Variants in PDE4B observed in about 807,000 individuals in gnomAD.
PDE4B encodes 3',5'-cyclic-AMP phosphodiesterase 4B.
A neutral mutation model predicts 82.2 loss-of-function variants in PDE4B; 20 were observed. The observed-to-expected ratio is 0.24, with a 90% CI of 0.17 to 0.35. PDE4B has a LOEUF of 0.35. Among genes scored for constraint, PDE4B ranks in the 10% least tolerant of loss-of-function variants. The pLI is 1.00. For synonymous variants in PDE4B, 320 were observed against 318.9 expected (o/e 1.00, Z -0.04); for missense variants, 655 against 907.2 (o/e 0.72, Z 3.57).
chr1:66,114,662 G>T (rs368641470), intron 3 of PDE4B, among the ~76,000 whole-genome samples: 4 of 141,116 alleles, frequency 2.8e-5, no homozygotes, highest in African/African-American at 8.1e-5. Flanking sequence ...TTGAGACGGA[G>T]TCTGGCTGTG....
chr1:65,879,352 G>C (rs916818031), intron 1 of PDE4B, among the ~76,000 whole-genome samples: 9 of 151,962 alleles, frequency 5.9e-5, no homozygotes, highest in African/African-American at 2.2e-4. Context: ...ATTTTACTTG[G>C]TCATTTCTTT....
chr1:66,240,559 T>G (rs1198003761), intron 3 of PDE4B, among the ~76,000 whole-genome samples: 2 of 152,214 alleles, frequency 1.3e-5, no homozygotes, highest in African/African-American at 4.8e-5. Flanking sequence ...TCCCTTTGTC[T>G]CTATCACACT....
At chr1:66,136,120 G>A (rs2101127398) in intron 3 of PDE4B, among the ~76,000 whole-genome samples, 1 of 152,124 alleles carries the variant, frequency 6.6e-6, no homozygotes, top group South Asian at 2.1e-4. Flanking sequence ...GCTACTTACA[G>A]CCCCTTCCCA....
rs1652131039 is a variant in PDE4B, at chr1:66,233,250, G to A, written c.282-14210G>A. Among the ~76,000 whole-genome samples, 3 of 152,046 alleles carry A rather than the reference G, an allele frequency of 2.0e-5. No homozygotes were observed. In the South Asian group the frequency reaches 6.2e-4, roughly 32 times the overall value. On this transcript the variant is annotated intron_variant, in intron 3 of 16. Transcript: ENST00000341517. ...TATACATTATGTACTCTATTTATCA[G>A]ACTTATTTCACTCAGCATAATTAGT...
At chr1:66,043,820 A>G (rs2100836477) in intron 3 of PDE4B, among the ~76,000 whole-genome samples, 1 of 151,844 alleles carries the variant, frequency 6.6e-6, no homozygotes, top group Admixed American at 6.6e-5. Context: ...CTAGTAAATC[A>G]TGGATGGTGA....
At chr1:66,243,796 AG>A (rs977766783) in intron 3 of PDE4B, among the ~76,000 whole-genome samples, 17 of 152,222 alleles carry the variant, frequency 1.1e-4, no homozygotes, top group Non-Finnish European at 7.3e-5. Context: ...GATTCAGTCC[AG>A]GGATATTGGC....
At chr1:66,146,997 T>C (rs1646287828) in intron 3 of PDE4B, among the ~76,000 whole-genome samples, 2 of 152,212 alleles carry the variant, frequency 1.3e-5, no homozygotes, top group African/African-American at 4.8e-5. Context: ...TGTGGATCTA[T>C]GCTCTCAAGG....
chr1:66,332,408 A>G, intron 7 of PDE4B, 100 bp from the exon 8 acceptor site: 2 of 1,614,094 alleles, frequency 1.2e-6, no homozygotes, highest in Non-Finnish European at 1.7e-6. Flanking sequence ...GCACGGGGGC[A>G]CCTTCAGTAG....
chr1:66,243,049 G>T (rs1653008542), intron 3 of PDE4B, among the ~76,000 whole-genome samples: 1 of 152,266 alleles, frequency 6.6e-6, no homozygotes, highest in Non-Finnish European at 1.5e-5. Context: ...CTGCGAGTTT[G>T]TGTAAAGATG....
intron 3 of PDE4B, chr1:65,993,211 T>A: frequency 8.5e-7 from 1 of 1,182,626 alleles, no homozygotes; most frequent in Non-Finnish European, 1.2e-6. Flanking sequence ...GATCTAGCAG[T>A]GTAGAAAATG....
At chr1:65,816,893 C>A (rs2101222355) in intron 1 of PDE4B, among the ~76,000 whole-genome samples, 1 of 152,078 alleles carries the variant, frequency 6.6e-6, no homozygotes, top group South Asian at 2.1e-4. Context: ...GTAACAAAGC[C>A]AACACAAATA....
rs148310567 is a variant in PDE4B at position 66,078,596 on chromosome 1, T to G, written c.281+159761T>G. Among the ~76,000 whole-genome samples, 1,383 of 152,214 alleles carry G rather than the reference T, an allele frequency of 9.1e-3. 18 individuals carry two copies. The highest frequency in any genetic ancestry group is 0.032 in the African/African-American group (1,326 of 41,528). Reference sequence around the variant, plus strand: ...TTTCTCCACCTATGTAGCATGTGCTTAATCTCTAGAATCGAGACAAAACTG... The same window carrying G: ...TTTCTCCACCTATGTAGCATGTGCTGAATCTCTAGAATCGAGACAAAACTG... On this transcript the variant is annotated intron_variant, in intron 3 of 16. Transcript: ENST00000341517.
intron 7 of PDE4B, among the ~76,000 whole-genome samples, chr1:66,268,369 A>G (rs1655204389): frequency 6.6e-6 from 1 of 152,190 alleles, no homozygotes; most frequent in East Asian, 1.9e-4. Context: ...AAAGCTCTCC[A>G]TTTGAAATAC....
chr1:66,081,832 C>CTGTGTG (rs1242686089), intron 3 of PDE4B, among the ~76,000 whole-genome samples: 76 of 125,188 alleles, frequency 6.1e-4, no homozygotes, highest in Admixed American at 1.2e-3. Context: ...CTCTCTCTCT[C>CTGTGTG]TGTGTGTGTG....
Position 66,013,902 on chromosome 1 carries a change from T to G in PDE4B, c.281+95067T>G, listed in dbSNP as rs562076589. Among the ~76,000 whole-genome samples the G allele has an allele frequency of 2.0e-4, 31 of 152,258 alleles. 1 individual carries two copies. In the South Asian group the frequency reaches 6.2e-3, roughly 31 times the overall value. On this transcript the variant is annotated intron_variant, in intron 3 of 16. Coordinates refer to ENST00000341517, the MANE Select transcript of PDE4B (RefSeq NM_002600.4). ...CCATAATGACTGTATCATTTGACATTCCCACCAACAGTGCATAAAAGTTCA... is the reference window on the plus strand; with the variant it reads ...CCATAATGACTGTATCATTTGACATGCCCACCAACAGTGCATAAAAGTTCA...
chr1:66,355,587 C>G lies in PDE4B; in HGVS notation c.808C>G (p.Gln270Glu), dbSNP rs528931858. Residue 270 changes from glutamine (Q) to glutamate (E), a missense_variant, in exon 9 of 17, where the codon CAG becomes GAG. Coordinates refer to ENST00000341517, the MANE Select transcript of PDE4B (RefSeq NM_002600.4). ...HLSEMSRSGN[Q>E]VSEYISNTFL... ...CTCAGAGATGAGCCGATCAGGGAAC[C>G]AGGTGTCTGAATACATTTCAAATAC... 1.2e-6 allele frequency: 2 copies of G among 1,611,056 alleles called. No homozygotes were observed. The highest frequency in any genetic ancestry group is 2.2e-5 in the South Asian group (2 of 90,866).
chr1:66,275,988 T>A (rs1161022858), intron 7 of PDE4B, among the ~76,000 whole-genome samples: 1 of 152,140 alleles, frequency 6.6e-6, no homozygotes, highest in Non-Finnish European at 1.5e-5. Flanking sequence ...TTATCCAGCT[T>A]ATTTGAATCT....
At chr1:65,968,775 ACT>A (rs1188707146) in intron 3 of PDE4B, among the ~76,000 whole-genome samples, 1 of 152,078 alleles carries the variant, frequency 6.6e-6, no homozygotes, top group African/African-American at 2.4e-5. Context: ...TGTTTTATTA[ACT>A]CTCGTATTTT....
intron 3 of PDE4B, among the ~76,000 whole-genome samples, chr1:66,071,597 T>C (rs1434501301): frequency 1.3e-5 from 2 of 152,114 alleles, no homozygotes; most frequent in Non-Finnish European, 2.9e-5. Flanking sequence ...TCAACTTAAA[T>C]TGAATTACCT....
Sources: allele counts gnomAD v4.1 joint callset (sites outside exome capture counted in the v4.1 genomes callset), GRCh38; gene constraint gnomAD v4.1.1; transcripts MANE v1.5; gene names NCBI Gene and HGNC (gene_info 2026-07-23, HGNC 2026-07-21).